The following ENOX1 variants were observed in gnomAD, a reference collection of about 807,000 sequenced individuals.
ENOX1 encodes the protein candidate growth-related and time keeping constitutive hydroquinone (NADH) oxidase.
ENOX1 carries 42 observed loss-of-function variants against 82.5 expected under a neutral mutation model. That is an observed-to-expected ratio of 0.51 (90% CI 0.40 to 0.66). The LOEUF is 0.66. ENOX1 is among the 30% of genes least tolerant of loss of function. The pLI, the probability that ENOX1 is intolerant of heterozygous loss-of-function variation, is 0.00. For synonymous variants in ENOX1, 271 were observed against 282.2 expected (o/e 0.96, Z 0.40); for missense variants, 608 against 811.6 (o/e 0.75, Z 3.05).
chr13:43,568,335 A>G (rs1328650811), intron 2 of ENOX1, among the ~76,000 whole-genome samples: 2 of 152,206 alleles, frequency 1.3e-5, no homozygotes, highest in Non-Finnish European at 2.9e-5. Context: ...GCACACACTG[A>G]GAACACACAG....
chr13:43,596,309 A>C (rs942668831), intron 2 of ENOX1, among the ~76,000 whole-genome samples: 6 of 152,200 alleles, frequency 3.9e-5, no homozygotes, highest in South Asian at 2.1e-4. Flanking sequence ...TCTACATTTA[A>C]CACCACCACA....
intron 2 of ENOX1, among the ~76,000 whole-genome samples, chr13:43,536,293 T>C (rs1247072784): frequency 1.3e-5 from 2 of 152,230 alleles, no homozygotes; most frequent in African/African-American, 2.4e-5. Context: ...CTATAATCAC[T>C]CTCTAGCCGA....
At chr13:43,221,539 T>C (rs768200517) in intron 16 of ENOX1, among the ~76,000 whole-genome samples, 27 of 152,200 alleles carry the variant, frequency 1.8e-4, no homozygotes, top group Non-Finnish European at 3.4e-4. Flanking sequence ...CCTGTTTTCC[T>C]CTGAATGAAT....
At chr13:43,329,572 C>T (rs1235303545) in intron 9 of ENOX1, among the ~76,000 whole-genome samples, 2 of 152,162 alleles carry the variant, frequency 1.3e-5, no homozygotes. Flanking sequence ...AGAAAGAAGT[C>T]AGAATTCAAA....
chr13:43,675,222 C>T (rs9316049), intron 1 of ENOX1, among the ~76,000 whole-genome samples: 18,427 of 152,010 alleles, frequency 0.12, 2,106 homozygotes, highest in African/African-American at 0.3. Context: ...AACAGAGCAG[C>T]AGAAGTAGAT....
At chr13:43,445,187 G>A (rs1416707216) in intron 3 of ENOX1, among the ~76,000 whole-genome samples, 1 of 148,294 alleles carries the variant, frequency 6.7e-6, no homozygotes, top group East Asian at 2.0e-4. Flanking sequence ...ACAGTGGCAC[G>A]ATCTCGGCTC....
At chr13:43,537,872 C>T (rs1299206535) in intron 2 of ENOX1, among the ~76,000 whole-genome samples, 3 of 152,178 alleles carry the variant, frequency 2.0e-5, no homozygotes, top group African/African-American at 7.2e-5. Context: ...TATGGGGCAC[C>T]CCCTGCATCT....
At chr13:43,633,395 A>C (rs2153751728) in intron 2 of ENOX1, among the ~76,000 whole-genome samples, 1 of 152,312 alleles carries the variant, frequency 6.6e-6, no homozygotes, top group African/African-American at 2.4e-5. Context: ...CCATCTAGGA[A>C]TCTGTCTCAT....
At chr13:43,453,853 T>C (rs1017190893) in intron 3 of ENOX1, among the ~76,000 whole-genome samples, 1 of 152,164 alleles carries the variant, frequency 6.6e-6, no homozygotes, top group Non-Finnish European at 1.5e-5. Flanking sequence ...ATATAGGTGT[T>C]GTACAGGAAA....
chr13:43,542,298 GC>G (rs755650215), intron 2 of ENOX1, among the ~76,000 whole-genome samples: 7 of 145,448 alleles, frequency 4.8e-5, no homozygotes, highest in Non-Finnish European at 9.1e-5. Flanking sequence ...TGCCACCACA[GC>G]CCCGGCTAAT....
chr13:43,301,692 A>C (rs1003755569), intron 11 of ENOX1, among the ~76,000 whole-genome samples: 26 of 152,134 alleles, frequency 1.7e-4, no homozygotes, highest in Admixed American at 6.5e-5. Context: ...TGGTTTTTAC[A>C]AAAAAATTTT....
intron 5 of ENOX1, among the ~76,000 whole-genome samples, chr13:43,403,562 G>T (rs531818504): frequency 1.3e-5 from 2 of 152,276 alleles, no homozygotes; most frequent in Non-Finnish European, 2.9e-5. Flanking sequence ...CTGTAGACAG[G>T]CTGGGTGCAG....
chr13:43,225,341 G>C (rs1235318898), intron 15 of ENOX1, among the ~76,000 whole-genome samples: 1 of 152,144 alleles, frequency 6.6e-6, no homozygotes, highest in Non-Finnish European at 1.5e-5. Context: ...GATGGGTTCA[G>C]TCATACCCCA....
intron 5 of ENOX1, among the ~76,000 whole-genome samples, chr13:43,381,507 G>C (rs1443789515): frequency 2.0e-5 from 3 of 146,528 alleles, no homozygotes. Flanking sequence ...AGAGCAAATT[G>C]AGCCTGAAAT....
intron 1 of ENOX1, among the ~76,000 whole-genome samples, chr13:43,785,716 A>C (rs1044981854): frequency 1.3e-5 from 2 of 152,076 alleles, no homozygotes; most frequent in African/African-American, 2.4e-5. Context: ...CACTTTCCCC[A>C]TGTGCTCGCC....
At chr13:43,580,920 T>C (rs2080691176) in intron 2 of ENOX1, among the ~76,000 whole-genome samples, 1 of 152,176 alleles carries the variant, frequency 6.6e-6, no homozygotes, top group African/African-American at 2.4e-5. Context: ...GTCAATTTAA[T>C]ATAGTTTGTC....
chr13:43,526,468 G>T (rs2077995419), intron 2 of ENOX1, among the ~76,000 whole-genome samples: 1 of 151,900 alleles, frequency 6.6e-6, no homozygotes, highest in Non-Finnish European at 1.5e-5. Flanking sequence ...ATAATAAAAA[G>T]GCATAGCTTT....
At chr13:43,479,637 G>T (rs1180662238) in intron 3 of ENOX1, among the ~76,000 whole-genome samples, 1 of 152,222 alleles carries the variant, frequency 6.6e-6, no homozygotes, top group Non-Finnish European at 1.5e-5. Context: ...ATGTATGTTA[G>T]TGTATTTCTA....
intron 3 of ENOX1, among the ~76,000 whole-genome samples, chr13:43,420,146 G>A (rs944877876): frequency 6.6e-6 from 1 of 152,040 alleles, no homozygotes; most frequent in Non-Finnish European, 1.5e-5. Context: ...ACCTAACTTC[G>A]ATCTTCACAT....
Sources: gnomAD v4.1 joint callset for allele counts (sites outside exome capture counted in the v4.1 genomes callset) on GRCh38, gnomAD v4.1.1 for gene constraint, MANE v1.5 for transcripts, NCBI Gene and HGNC (gene_info 2026-07-23, HGNC 2026-07-21) for gene names.